JAZF1: variants seen among roughly 807,000 people sequenced by gnomAD.
The protein encoded by JAZF1 is JAZF zinc finger 1.
In JAZF1, 8 loss-of-function variants were observed where a neutral mutation model predicts 26.4. The ratio of observed to expected loss-of-function variants is 0.30; its 90% CI spans 0.18 to 0.55. JAZF1 has a LOEUF of 0.55. Among genes scored for constraint, JAZF1 ranks in the 20% least tolerant of loss-of-function variants. The pLI is 0.94. For missense variants in JAZF1, 199 were observed against 322.0 expected (o/e 0.62, Z 2.92); for synonymous variants, 126 against 122.3 (o/e 1.03, Z -0.20).
intron 2 of JAZF1, among the ~76,000 whole-genome samples, chr7:27,924,416 G>T (rs1377998075): frequency 2.0e-5 from 3 of 152,184 alleles, no homozygotes; most frequent in African/African-American, 7.2e-5. Flanking sequence ...TTGACCATTT[G>T]TCTGCAGCCA....
intron 2 of JAZF1, among the ~76,000 whole-genome samples, chr7:27,899,205 T>C (rs769576526): frequency 1.3e-5 from 2 of 152,228 alleles, no homozygotes; most frequent in Non-Finnish European, 2.9e-5. Flanking sequence ...AGGAGCCATT[T>C]GGGGAGACAA....
intron 2 of JAZF1, among the ~76,000 whole-genome samples, chr7:27,914,385 A>G (rs1373128840): frequency 2.0e-5 from 3 of 152,184 alleles, no homozygotes; most frequent in Admixed American, 6.5e-5. Context: ...TATGTTATGC[A>G]CAGCGTGAGG....
At chr7:27,902,612 G>C (rs1274607436) in intron 2 of JAZF1, among the ~76,000 whole-genome samples, 6 of 152,182 alleles carry the variant, frequency 3.9e-5, no homozygotes, top group African/African-American at 1.4e-4. Context: ...GACAATGACA[G>C]GTCCGACCAA....
chr7:27,945,642 C>T (rs1157807171), intron 2 of JAZF1, among the ~76,000 whole-genome samples: 2 of 152,232 alleles, frequency 1.3e-5, no homozygotes, highest in East Asian at 1.9e-4. Flanking sequence ...TCAGAACCAG[C>T]TGCATCGGCA....
intron 2 of JAZF1, among the ~76,000 whole-genome samples, chr7:27,954,442 T>A (rs1447755024): frequency 6.6e-6 from 1 of 152,150 alleles, no homozygotes; most frequent in Non-Finnish European, 1.5e-5. Context: ...TTTAGGATGG[T>A]GGCTTTGGCA....
chr7:27,932,301 T>G (rs1039063130), intron 2 of JAZF1, among the ~76,000 whole-genome samples: 1 of 152,190 alleles, frequency 6.6e-6, no homozygotes, highest in Admixed American at 6.5e-5. Flanking sequence ...TGTAAATCCA[T>G]GTATAATGAG....
chr7:28,012,065 A>G (rs894633760), intron 1 of JAZF1, among the ~76,000 whole-genome samples: 7 of 152,222 alleles, frequency 4.6e-5, no homozygotes, highest in Non-Finnish European at 7.3e-5. Context: ...TTTTTATTGT[A>G]AATAATGTTC....
chr7:28,044,899 C>T (rs1042795111), intron 1 of JAZF1, among the ~76,000 whole-genome samples: 1 of 152,134 alleles, frequency 6.6e-6, no homozygotes, highest in African/African-American at 2.4e-5. Flanking sequence ...ATATGGTACT[C>T]TTGGGACTTT....
chr7:28,016,549 G>C (rs1021020685), intron 1 of JAZF1, among the ~76,000 whole-genome samples: 1 of 152,202 alleles, frequency 6.6e-6, no homozygotes, highest in Non-Finnish European at 1.5e-5. Context: ...TGAGGATGAA[G>C]GGACAGGGGC....
intron 1 of JAZF1, among the ~76,000 whole-genome samples, chr7:28,065,539 G>T (rs911516933): frequency 3.7e-4 from 57 of 152,284 alleles, no homozygotes; most frequent in African/African-American, 1.3e-3. Flanking sequence ...TAAATGTCAC[G>T]ATCCTATCCC....
At chr7:28,149,193 C>T (rs928477465) in intron 1 of JAZF1, among the ~76,000 whole-genome samples, 2 of 152,174 alleles carry the variant, frequency 1.3e-5, no homozygotes, top group African/African-American at 4.8e-5. Context: ...AGCCTCCTCT[C>T]CTCAAGCAGC....
chr7:28,086,032 C>G (rs1243481527), intron 1 of JAZF1, among the ~76,000 whole-genome samples: 1 of 152,214 alleles, frequency 6.6e-6, no homozygotes, highest in East Asian at 1.9e-4. Context: ...TTCTATGTAT[C>G]CATATGCCTA....
intron 1 of JAZF1, among the ~76,000 whole-genome samples, chr7:28,034,564 T>A (rs1783252534): frequency 1.3e-5 from 2 of 152,066 alleles, no homozygotes; most frequent in Admixed American, 6.5e-5. Flanking sequence ...AAAATATTCT[T>A]ATTTTTCCCA....
chr7:27,955,256 A>G (rs146233193), intron 2 of JAZF1, among the ~76,000 whole-genome samples: 5 of 152,358 alleles, frequency 3.3e-5, no homozygotes, highest in African/African-American at 1.2e-4. Flanking sequence ...GCTCATATGA[A>G]AAGGATGCCA....
chr7:27,948,956 G>T (rs1246283730), intron 2 of JAZF1, among the ~76,000 whole-genome samples: 1 of 152,140 alleles, frequency 6.6e-6, no homozygotes, highest in Non-Finnish European at 1.5e-5. Flanking sequence ...TGAACACCCA[G>T]GAAGTCCTGA....
intron 2 of JAZF1, among the ~76,000 whole-genome samples, chr7:27,937,297 C>G (rs1583470798): frequency 6.6e-6 from 1 of 152,292 alleles, no homozygotes; most frequent in East Asian, 1.9e-4. Context: ...GAAACCTCCC[C>G]CTACCACTTA....
chr7:28,148,146 C>T (rs1325258752), intron 1 of JAZF1, among the ~76,000 whole-genome samples: 4 of 152,200 alleles, frequency 2.6e-5, no homozygotes, highest in African/African-American at 7.2e-5. Flanking sequence ...TCTCAGCTCA[C>T]TGCAACCTCT....
intron 1 of JAZF1, among the ~76,000 whole-genome samples, chr7:28,176,819 T>C (rs918183594): frequency 3.3e-5 from 5 of 152,184 alleles, no homozygotes; most frequent in Non-Finnish European, 7.4e-5. Context: ...TACGATTTCA[T>C]AGCACTGGGA....
intron 1 of JAZF1, among the ~76,000 whole-genome samples, chr7:28,110,483 GAAA>G (rs1348186288): frequency 1.7e-5 from 1 of 57,788 alleles, no homozygotes; most frequent in Non-Finnish European, 3.6e-5. Context: ...GAAAGGAAAG[GAAA>G]GGAAAGGAAA....
Sources: gnomAD v4.1 joint callset for allele counts (sites outside exome capture counted in the v4.1 genomes callset) on GRCh38, gnomAD v4.1.1 for gene constraint, MANE v1.5 for transcripts, NCBI Gene and HGNC (gene_info 2026-07-23, HGNC 2026-07-21) for gene names.